Variants in IFRD1 observed in about 807,000 individuals in gnomAD.
IFRD1 encodes interferon-related developmental regulator 1.
In IFRD1, 35 loss-of-function variants were observed where a neutral mutation model predicts 52.9. The ratio of observed to expected loss-of-function variants is 0.66; its 90% confidence interval spans 0.51 to 0.88. The LOEUF (loss-of-function observed/expected upper bound fraction) is 0.88. Ranked by LOEUF, IFRD1 falls within the 40% of genes least tolerant of loss-of-function variation. The probability of loss-of-function intolerance (pLI) is 0.00; values close to 1 mark genes in which losing one functional copy is unlikely to be tolerated. For synonymous variants in IFRD1, 184 were observed against 188.4 expected (o/e 0.98, Z 0.19); for missense variants, 517 against 550.8 (o/e 0.94, Z 0.61).
In IFRD1 at chr7:112,462,009, C is replaced by T. The variant is rs551165588; in HGVS notation, c.627C>T (p.Tyr209=). The T allele has an allele frequency of 7.4e-5, 120 of 1,611,336 alleles. 1 individual carries two copies. The South Asian group carries it at 1.3e-3, about 17-fold the overall frequency. ...ATATTCTTATGCATTAGGAACTATACTCAACTCTGGAATGTTTGGAAAATA... is the reference window on the plus strand; with the variant it reads ...ATATTCTTATGCATTAGGAACTATATTCAACTCTGGAATGTTTGGAAAATA... ...FIATDDITEL[Y]STLECLENIF... The change falls in exon 7 of 12, where the codon TAC becomes TAT. Residue 209 remains tyrosine (Y), a synonymous_variant. Coordinates refer to ENST00000403825, the MANE Select transcript of IFRD1 (RefSeq NM_001550.4).
Position 112,452,321 on chromosome 7 carries a change from T to A in IFRD1, c.94+1539T>A, listed in dbSNP as rs1275509094. 1.5e-5 allele frequency: 5 copies of A among 330,928 alleles called. No homozygotes were observed. In the East Asian group the frequency reaches 5.1e-4, roughly 34 times the overall value. The allele number at this position is 330,928 out of a possible 1,614,324, so 20.5% of individuals were successfully genotyped here. ...GACTACAGGCATGTGACACCATTCCTGGCTATTTTTTACATTTTTTGTGGA... is the reference window on the plus strand; with the variant it reads ...GACTACAGGCATGTGACACCATTCCAGGCTATTTTTTACATTTTTTGTGGA... On this transcript the variant is annotated intron_variant, in intron 1 of 11. Transcript: ENST00000403825.
At chr7:112,438,632 G>A (rs1404170575) in intron 1 of IFRD1, among the ~76,000 whole-genome samples, 2 of 152,126 alleles carry the variant, frequency 1.3e-5, no homozygotes, top group African/African-American at 4.8e-5. Flanking sequence ...TTGAATGGAT[G>A]CGTGAATAGA....
At chr7:112,468,232 T>C in intron 9 of IFRD1, 117 bp downstream of exon 9, 1 of 1,221,158 alleles carries the variant, frequency 8.2e-7, no homozygotes, top group Non-Finnish European at 1.2e-6. Flanking sequence ...AATTTCTCAT[T>C]TTACGACCTA....
intron 8 of IFRD1, among the ~76,000 whole-genome samples, chr7:112,463,288 T>C (rs1461099656): frequency 6.6e-6 from 1 of 152,218 alleles, no homozygotes; most frequent in Non-Finnish European, 1.5e-5. Context: ...TACTAGATGC[T>C]TTTTAATTTA....
chr7:112,436,816 A>G (rs961258267), intron 1 of IFRD1, among the ~76,000 whole-genome samples: 3 of 152,162 alleles, frequency 2.0e-5, no homozygotes, highest in Admixed American at 6.5e-5. Context: ...GAAAGATTTT[A>G]AAGGAAAAGA....
intron 8 of IFRD1, among the ~76,000 whole-genome samples, chr7:112,466,865 T>C (rs1169603681): frequency 1.3e-5 from 2 of 152,204 alleles, no homozygotes; most frequent in African/African-American, 4.8e-5. Context: ...TGATGCAATC[T>C]GATTCTTTGG....
rs1330356983 is a variant in IFRD1, at chr7:112,475,487, G to A, written c.1324G>A (p.Asp442Asn). ...ARTKARSKCR[D>N]KRADVGEFF is the part of the protein sequence containing the mutation. Reference sequence around the variant, plus strand: ...AACCAAAGCTAGAAGCAAATGTCGAGATAAGAGAGCAGATGTTGGAGAATT... The same window carrying A: ...AACCAAAGCTAGAAGCAAATGTCGAAATAAGAGAGCAGATGTTGGAGAATT... Residue 442 changes from aspartate to asparagine, a missense_variant, in exon 12 of 12, where the codon GAT becomes AAT. Coordinates refer to ENST00000403825, the MANE Select transcript of IFRD1 (RefSeq NM_001550.4). 1 of 1,609,978 alleles carries A rather than the reference G, an allele frequency of 6.2e-7. No homozygotes were observed.
At chr7:112,458,070 G>A (rs965220516) in intron 4 of IFRD1, 5 of 152,060 alleles carry the variant, frequency 3.3e-5, no homozygotes, top group Non-Finnish European at 5.9e-5. Context: ...ACACAATGGC[G>A]CTATTAAAGG....
intron 1 of IFRD1, among the ~76,000 whole-genome samples, chr7:112,425,023 G>A (rs1475384511): frequency 6.6e-6 from 1 of 151,950 alleles, no homozygotes; most frequent in African/African-American, 2.4e-5. Flanking sequence ...GTTTTTTTGA[G>A]ATAGCATCTC....
chr7:112,425,482 C>T (rs1249332462), intron 1 of IFRD1, among the ~76,000 whole-genome samples: 1 of 152,186 alleles, frequency 6.6e-6, no homozygotes, highest in Non-Finnish European at 1.5e-5. Context: ...TCCTCCTGCC[C>T]TTGGACATCC....
At chr7:112,444,794 C>T (rs11761127) in intron 1 of IFRD1, among the ~76,000 whole-genome samples, 19,649 of 152,162 alleles carry the variant, frequency 0.13, 1,360 homozygotes, top group Middle Eastern at 0.27. Flanking sequence ...CTGGGGACTA[C>T]TAGAGGCGGG....
At chr7:112,456,433 C>A (rs1008323114) in intron 3 of IFRD1, among the ~76,000 whole-genome samples, 3 of 152,106 alleles carry the variant, frequency 2.0e-5, no homozygotes, top group South Asian at 2.1e-4. Context: ...GATAACGAAA[C>A]CTTGCTTTAA....
intron 1 of IFRD1, chr7:112,452,201 C>T: frequency 1.3e-6 from 1 of 799,388 alleles, no homozygotes; most frequent in African/African-American, 1.9e-5. Context: ...GCTCTGTCGC[C>T]CAGGCTGGAG....
intron 8 of IFRD1, among the ~76,000 whole-genome samples, chr7:112,463,890 ACACAC>A (rs1276517530): frequency 0.27 from 5,883 of 22,012 alleles, 182 homozygotes; most frequent in Middle Eastern, 0.44. Flanking sequence ...ACACACACAC[ACACAC>A]CCCACGTATC....
Position 112,462,346 on chromosome 7 carries a change from C to T in IFRD1, c.874C>T (p.Leu292Phe), listed in dbSNP as rs781657076. Residue 292 changes from leucine (L) to phenylalanine (F), a missense_variant, in exon 8 of 12, where the codon CTT becomes TTT. Physicochemically the swap from Leu to Phe is conservative, Grantham distance 22. Transcript: ENST00000403825. ...AATAGCTGCTGGTGAATCTTTGGCA[C>T]TTCTCTTTGAATTGGCCAGAGGAAT... is the stretch of plus-strand genomic sequence containing the variant. Reference protein sequence around the residue: ...MRIAAGESLALLFELARGIES... With the variant: ...MRIAAGESLAFLFELARGIES... 1 of 1,613,232 alleles carries T rather than the reference C, an allele frequency of 6.2e-7. No individual in the cohort carries two copies. The highest frequency in any genetic ancestry group is 1.7e-5 in the Admixed American group (1 of 59,936).
At chr7:112,467,507 A>G (rs1419042173) in intron 8 of IFRD1, 1 of 174,808 alleles carries the variant, frequency 5.7e-6, no homozygotes, top group Non-Finnish European at 1.2e-5. Context: ...AATCACCTGA[A>G]TTATGTGCTT....
intron 3 of IFRD1, among the ~76,000 whole-genome samples, chr7:112,456,400 A>G (rs80288442): frequency 0.015 from 2,209 of 152,300 alleles, 25 homozygotes; most frequent in Non-Finnish European, 0.021. Context: ...TGTTGAATTA[A>G]AAGTTAATCT....
chr7:112,443,630 G>C (rs1435222257), intron 1 of IFRD1, among the ~76,000 whole-genome samples: 2 of 151,984 alleles, frequency 1.3e-5, no homozygotes, highest in Non-Finnish European at 2.9e-5. Context: ...CCAGCACTTT[G>C]GGAGGTCGAG....
upstream of IFRD1, among the ~76,000 whole-genome samples, chr7:112,446,890 C>T (rs140080638): frequency 2.0e-3 from 298 of 152,194 alleles, 1 homozygote; most frequent in Middle Eastern, 0.017. Flanking sequence ...GCTCAGAGAC[C>T]TGCTAAGAGT....
Sources: allele counts gnomAD v4.1 joint callset (sites outside exome capture counted in the v4.1 genomes callset), GRCh38; gene constraint gnomAD v4.1.1; transcripts MANE v1.5; gene names NCBI Gene and HGNC (gene_info 2026-07-23, HGNC 2026-07-21).